Variants in ARHGEF7 observed in about 807,000 individuals in gnomAD.
ARHGEF7 encodes the protein PAK-interacting exchange factor beta.
Under a neutral mutation model 109.8 loss-of-function variants are expected in ARHGEF7, and 33 were observed. That is an observed-to-expected ratio of 0.30 (90% CI 0.23 to 0.40). The LOEUF (loss-of-function observed/expected upper bound fraction) is 0.40, where lower values mean the gene tolerates loss of function less well. Ranked by LOEUF, ARHGEF7 falls within the 10% of genes least tolerant of loss-of-function variation. The pLI is 1.00. For synonymous variants in ARHGEF7, 458 were observed against 424.6 expected (o/e 1.08, Z -0.97); for missense variants, 938 against 1,098.5 (o/e 0.85, Z 2.07).
At chr13:111,202,556 G>A (rs2081324199) in intron 2 of ARHGEF7, among the ~76,000 whole-genome samples, 1 of 152,164 alleles carries the variant, frequency 6.6e-6, no homozygotes, top group Admixed American at 6.5e-5. Flanking sequence ...TGGAAATACT[G>A]CTAAAGCACC....
intron 6 of ARHGEF7, 70 bp from the exon 7 acceptor site, chr13:111,243,802 A>G: frequency 2.0e-6 from 2 of 1,003,992 alleles, no homozygotes; most frequent in Non-Finnish European, 3.0e-6. Flanking sequence ...TGAACTGTCC[A>G]AAGTGTATAA....
chr13:111,242,173 C>T (rs181362263), intron 6 of ARHGEF7, among the ~76,000 whole-genome samples: 1 of 152,292 alleles, frequency 6.6e-6, no homozygotes, highest in East Asian at 1.9e-4. Context: ...TAGATCCCTT[C>T]AGGGATGAGC....
At chr13:111,208,257 C>G (rs1199513253) in intron 3 of ARHGEF7, among the ~76,000 whole-genome samples, 1 of 152,150 alleles carries the variant, frequency 6.6e-6, no homozygotes, top group Non-Finnish European at 1.5e-5. Context: ...TCAGGCTGGT[C>G]TGGAACTCCC....
intron 19 of ARHGEF7, chr13:111,292,700 A>T (rs1489399040): frequency 2.9e-6 from 3 of 1,042,328 alleles, no homozygotes; most frequent in Non-Finnish European, 2.3e-6. Flanking sequence ...CAGGTTTGTG[A>T]TCTAAGTGCC....
At chr13:111,173,371 A>G (rs2077778512) in intron 2 of ARHGEF7, among the ~76,000 whole-genome samples, 1 of 152,212 alleles carries the variant, frequency 6.6e-6, no homozygotes, top group Admixed American at 6.5e-5. Context: ...ATCTTCACAG[A>G]GTAGCAGGGT....
chr13:111,171,175 A>G (rs2153413950), intron 2 of ARHGEF7, among the ~76,000 whole-genome samples: 1 of 152,358 alleles, frequency 6.6e-6, no homozygotes, highest in African/African-American at 2.4e-5. Flanking sequence ...GGCTCTGTAT[A>G]ACCAAATGGA....
intron 1 of ARHGEF7, among the ~76,000 whole-genome samples, chr13:111,117,116 A>C (rs1315503560): frequency 6.6e-6 from 1 of 152,258 alleles, no homozygotes; most frequent in East Asian, 1.9e-4. Flanking sequence ...TGCAAAGTTC[A>C]CCAAAATAGG....
At chr13:111,191,166 G>T (rs1223013870) in intron 2 of ARHGEF7, among the ~76,000 whole-genome samples, 1 of 152,044 alleles carries the variant, frequency 6.6e-6, no homozygotes, top group Admixed American at 6.5e-5. Flanking sequence ...ATTTTGGGGG[G>T]CCCTGAGAAG....
chr13:111,179,548 G>T (rs961855457), intron 2 of ARHGEF7, among the ~76,000 whole-genome samples: 1 of 152,042 alleles, frequency 6.6e-6, no homozygotes, highest in African/African-American at 2.4e-5. Context: ...TTGTGTTGCC[G>T]TATGCTATAT....
At chr13:111,146,730 C>G (rs1045035520) in intron 1 of ARHGEF7, among the ~76,000 whole-genome samples, 4 of 152,112 alleles carry the variant, frequency 2.6e-5, no homozygotes, top group African/African-American at 7.2e-5. Flanking sequence ...TTAGTCGGCT[C>G]TCTGCTTTGG....
intron 6 of ARHGEF7, chr13:111,241,366 G>T: frequency 6.5e-7 from 1 of 1,535,488 alleles, no homozygotes; most frequent in Non-Finnish European, 8.7e-7. Context: ...GCGCCCCGAG[G>T]TCAGGAAGGC....
At chr13:111,275,410 A>G (rs2092418894) in intron 11 of ARHGEF7, 122 bp from the exon 12 acceptor site, 1 of 1,119,900 alleles carries the variant, frequency 8.9e-7, no homozygotes, top group Non-Finnish European at 1.3e-6. Flanking sequence ...TCAATAAATT[A>G]TCTGTCTGAA....
intron 8 of ARHGEF7, among the ~76,000 whole-genome samples, chr13:111,251,731 G>A (rs894605568): frequency 2.2e-4 from 34 of 152,170 alleles, no homozygotes; most frequent in African/African-American, 8.2e-4. Context: ...TGTAGGCAGC[G>A]TCTTCTCCCA....
intron 8 of ARHGEF7, 118 bp from the exon 9 acceptor site, chr13:111,267,430 T>A: frequency 7.3e-7 from 1 of 1,373,940 alleles, no homozygotes; most frequent in South Asian, 1.3e-5. Flanking sequence ...GGCCTCTGGT[T>A]TTCACAGATG....
At chr13:111,295,001 A>C in intron 19 of ARHGEF7, 1 of 985,816 alleles carries the variant, frequency 1.0e-6, no homozygotes, top group Non-Finnish European at 1.2e-6. Context: ...TGTGCTCTTT[A>C]TCTGTGAATG....
chr13:111,124,172 T>A (rs1327028071), intron 1 of ARHGEF7, among the ~76,000 whole-genome samples: 1 of 152,214 alleles, frequency 6.6e-6, no homozygotes, highest in Non-Finnish European at 1.5e-5. Flanking sequence ...CCTTGAAGGG[T>A]GCTTCCTTCC....
At chr13:111,244,074 A>G in intron 7 of ARHGEF7, 108 bp downstream of exon 7, 4 of 1,227,996 alleles carry the variant, frequency 3.3e-6, no homozygotes, top group Non-Finnish European at 4.6e-6. Flanking sequence ...AATTTAGTGT[A>G]CCAGTTTGCC....
chr13:111,229,044 G>A (rs996517036), intron 5 of ARHGEF7, among the ~76,000 whole-genome samples: 1 of 152,008 alleles, frequency 6.6e-6, no homozygotes. Context: ...CCCTGTGATG[G>A]TGGAGCTGCC....
intron 8 of ARHGEF7, among the ~76,000 whole-genome samples, chr13:111,245,958 G>C (rs188322279): frequency 6.6e-6 from 1 of 152,312 alleles, no homozygotes; most frequent in African/African-American, 2.4e-5. Flanking sequence ...CCACAAATAT[G>C]TTTGCAGCAA....
Sources: gnomAD v4.1 joint callset for allele counts (sites outside exome capture counted in the v4.1 genomes callset) on GRCh38, gnomAD v4.1.1 for gene constraint, MANE v1.5 for transcripts, NCBI Gene and HGNC (gene_info 2026-07-23, HGNC 2026-07-21) for gene names.